The following TNIP1 variants were observed in gnomAD, a reference collection of about 807,000 sequenced individuals.
The protein encoded by TNIP1 is TNFAIP3-interacting protein 1.
In TNIP1, 22 loss-of-function variants were observed where a neutral mutation model predicts 86.6. That is an observed-to-expected ratio of 0.25 (90% CI 0.18 to 0.36). TNIP1 has a LOEUF of 0.36. Ranked by LOEUF, TNIP1 falls within the 10% of genes least tolerant of loss-of-function variation. TNIP1 has a pLI of 1.00. For synonymous variants in TNIP1, 294 were observed against 313.0 expected, an observed-to-expected ratio of 0.94 and a Z score of 0.64; for missense variants, 709 against 820.6, an observed-to-expected ratio of 0.86 and a Z score of 1.66.
intron 6 of TNIP1, among the ~76,000 whole-genome samples, chr5:151,053,881 C>T (rs1300674505): frequency 1.3e-5 from 2 of 152,256 alleles, no homozygotes; most frequent in African/African-American, 4.8e-5. Context: ...ACACTGGTGT[C>T]TCTTTCCCCT....
intron 2 of TNIP1, among the ~76,000 whole-genome samples, chr5:151,064,485 C>A (rs866686449): frequency 1.3e-5 from 2 of 149,756 alleles, no homozygotes; most frequent in Non-Finnish European, 1.5e-5. Context: ...TGGGGTTGTT[C>A]TAAAGTGGGG....
At chr5:151,081,743 T>C (rs1427439849), upstream of TNIP1, among the ~76,000 whole-genome samples, 1 of 152,194 alleles carries the variant, frequency 6.6e-6, no homozygotes, top group Non-Finnish European at 1.5e-5. Context: ...AGGGGCTGAA[T>C]CAAGATTCAA....
In TNIP1 at chr5:151,063,742, G is replaced by A. The variant is rs1478909426; in HGVS notation, c.142C>T (p.Leu48Phe). 7 of 1,613,836 alleles carry A rather than the reference G, an allele frequency of 4.3e-6. No homozygotes were observed. The highest frequency in any genetic ancestry group is 1.7e-5 in the Admixed American group (1 of 60,000). ...GCTTCCATCTGGGACTCTTCCAAAA[G>A]CTCCCCTAGAGTTATTGGGGAAGAG... ...KMQGIKMLGE[L>F]LEESQMEATR... is the part of the protein sequence containing the mutation. The change falls in exon 3 of 18, where the codon CTT becomes TTT. Residue 48 changes from leucine (L) to phenylalanine (F), a missense_variant. Leu to Phe is a conservative substitution (Grantham distance 22). Coordinates refer to ENST00000521591, the MANE Select transcript of TNIP1 (RefSeq NM_006058.5).
At chr5:151,051,906 A>C in intron 7 of TNIP1, among the ~76,000 whole-genome samples, 1 of 152,150 alleles carries the variant, frequency 6.6e-6, no homozygotes, top group Non-Finnish European at 1.5e-5. Flanking sequence ...CAAGTGCTGG[A>C]GGAGGAAGGA....
rs1756727849 is a variant in TNIP1, at chr5:151,030,226, C to G, written c.*487G>C. 1 of 442,488 alleles carries G rather than the reference C, an allele frequency of 2.3e-6. No homozygotes were observed. Among genetic ancestry groups the G allele is most frequent in the South Asian group, 1.6e-5 (1 of 63,344 alleles). The allele number at this position is 442,488 out of a possible 1,614,324, so 27.4% of individuals were successfully genotyped here. ...ATTCTCTTCTGTTCTGGAGACAAAC[C>G]CACACTTCCCACAGCTCCTCACAGA... On this transcript the variant is annotated 3_prime_UTR_variant, in exon 18 of 18. Transcript: ENST00000521591.
intron 7 of TNIP1, 134 bp from the exon 8 acceptor site, chr5:151,050,081 CCTGG>C: frequency 7.0e-7 from 1 of 1,431,148 alleles, no homozygotes; most frequent in South Asian, 1.3e-5. Context: ...AACCTGCCCT[CCTGG>C]AAAACCAAAA....
rs115176467 is a variant in TNIP1, at chr5:151,069,753, G to A, written c.-36-4622C>T. ...CAGGAAAGACGGCACAGAACAGAAC[G>A]TCAGAGAGGTCTATTCTAGTGTCTA... On this transcript the variant is annotated intron_variant, in intron 1 of 17. Transcript: ENST00000521591. Among the ~76,000 whole-genome samples, 1,047 of 152,266 alleles carry A rather than the reference G, an allele frequency of 6.9e-3. 8 individuals carry two copies. Among genetic ancestry groups the A allele is most frequent in the Non-Finnish European group, 0.01 (706 of 68,002 alleles).
intron 1 of TNIP1, among the ~76,000 whole-genome samples, chr5:151,072,024 C>T (rs1417139011): frequency 6.6e-6 from 1 of 152,200 alleles, no homozygotes; most frequent in African/African-American, 2.4e-5. Flanking sequence ...AATTATCATC[C>T]ACACTTTCCA....
At chr5:151,083,488 T>C (rs1474504591), upstream of TNIP1, among the ~76,000 whole-genome samples, 1 of 152,054 alleles carries the variant, frequency 6.6e-6, no homozygotes, top group Non-Finnish European at 1.5e-5. Flanking sequence ...TGGCACTGCC[T>C]GCTACCCTGT....
At chr5:151,068,892 G>A (rs1186269643) in intron 1 of TNIP1, among the ~76,000 whole-genome samples, 2 of 152,218 alleles carry the variant, frequency 1.3e-5, no homozygotes, top group Admixed American at 6.5e-5. Flanking sequence ...CTCCAGCCCC[G>A]CTTGCCCAAA....
At chr5:151,076,575 G>C (rs2113822396) in intron 1 of TNIP1, among the ~76,000 whole-genome samples, 1 of 152,338 alleles carries the variant, frequency 6.6e-6, no homozygotes, top group African/African-American at 2.4e-5. Flanking sequence ...ACATGGGACA[G>C]CAGTGGCACA....
intron 7 of TNIP1, among the ~76,000 whole-genome samples, chr5:151,051,441 A>T (rs1244970428): frequency 6.6e-6 from 1 of 152,194 alleles, no homozygotes; most frequent in Non-Finnish European, 1.5e-5. Context: ...GGCCACTCAC[A>T]GGATGGAGAG....
chr5:151,070,746 T>A (rs1762736225), intron 1 of TNIP1, among the ~76,000 whole-genome samples: 1 of 152,146 alleles, frequency 6.6e-6, no homozygotes, highest in Non-Finnish European at 1.5e-5. Flanking sequence ...CCTCCAGTCC[T>A]CCCCAACCAA....
In TNIP1 at chr5:151,042,557, T is replaced by C. The variant is rs1758567677; in HGVS notation, c.1117A>G (p.Lys373Glu). 1 of 1,613,308 alleles carries C rather than the reference T, an allele frequency of 6.2e-7. No homozygotes were observed. Among genetic ancestry groups the C allele is most frequent in the Non-Finnish European group, 8.5e-7 (1 of 1,179,998 alleles). The change falls in exon 11 of 18, where the codon AAG (lysine) becomes GAG (glutamate). Residue 373 changes from lysine (K) to glutamate (E), a missense_variant. Physicochemically the swap from Lys to Glu is moderately conservative, Grantham distance 56 (BLOSUM62 1). Transcript: ENST00000521591. The stretch of plus-strand genomic sequence containing the variant: ...ACACTTGCCTCCTCCATTTCAATCT[T>C]GGACTTGGCCAGGAGGAGCTTGCGG... ...FDRKLLLAKSKIEMEETDKEQ... is the reference protein window; with the variant it reads ...FDRKLLLAKSEIEMEETDKEQ...
Position 151,060,547 on chromosome 5 carries a change from G to A in TNIP1, c.358-152C>T, listed in dbSNP as rs933914391. ...ATATCATCTCACATGAGATCACAAA[G>A]CAGGATTCTCGACAAGCCTGTCATA... On this transcript the variant is annotated intron_variant, in intron 4 of 17. Coordinates refer to ENST00000521591, the MANE Select transcript of TNIP1 (RefSeq NM_006058.5). The A allele has an allele frequency of 2.5e-5, 17 of 684,964 alleles. No individual in the cohort carries two copies. The South Asian group carries it at 2.9e-4, about 12-fold the overall frequency. The allele number at this position is 684,964 out of a possible 1,614,324, so 42.4% of individuals were successfully genotyped here.
chr5:151,035,129 T>A, intron 14 of TNIP1, 62 bp from the exon 15 acceptor site: 4 of 1,566,340 alleles, frequency 2.6e-6, no homozygotes, highest in Non-Finnish European at 3.5e-6. Context: ...CAGGCCTGGA[T>A]CCAGGGCCTA....
intron 6 of TNIP1, 79 bp from the exon 7 acceptor site, chr5:151,052,338 G>T: frequency 2.4e-6 from 3 of 1,232,882 alleles, no homozygotes; most frequent in Non-Finnish European, 3.5e-6. Flanking sequence ...GGATGGTGGG[G>T]GGCCTGTAGC....
chr5:151,060,250 CATGG>C, intron 5 of TNIP1, 64 bp downstream of exon 5: 1 of 1,552,654 alleles, frequency 6.4e-7, no homozygotes, highest in Admixed American at 1.7e-5. Flanking sequence ...GTGCCTCTCA[CATGG>C]TAGCAAGTGA....
At chr5:151,074,327 G>A (rs73272842) in intron 1 of TNIP1, among the ~76,000 whole-genome samples, 32,659 of 152,058 alleles carry the variant, frequency 0.21, 4,798 homozygotes, top group African/African-American at 0.43. Context: ...GCAGGAGGAT[G>A]GCCTGAAACC....
Sources: gnomAD v4.1 joint callset for allele counts (sites outside exome capture counted in the v4.1 genomes callset) on GRCh38, gnomAD v4.1.1 for gene constraint, MANE v1.5 for transcripts, NCBI Gene and HGNC (gene_info 2026-07-23, HGNC 2026-07-21) for gene names.